The following TMTC4 variants were observed in gnomAD, a reference collection of about 807,000 sequenced individuals.
TMTC4 encodes the protein transmembrane O-mannosyltransferase targeting cadherins 4, also known as protein O-mannosyl-transferase TMTC4.
Under a neutral mutation model 86.0 loss-of-function variants are expected in TMTC4, and 65 were observed. That is an observed-to-expected ratio of 0.76 (90% confidence interval 0.62 to 0.93). The LOEUF is 0.93. Ranked by LOEUF, TMTC4 falls within the 40% of genes least tolerant of loss-of-function variation. The pLI is 0.00. For synonymous variants in TMTC4, 379 were observed against 382.5 expected, an observed-to-expected ratio of 0.99 and a Z score of 0.11; for missense variants, 866 against 948.1, an observed-to-expected ratio of 0.91 and a Z score of 1.14.
chr13:100,670,104 T>C (rs1042043468), intron 2 of TMTC4, among the ~76,000 whole-genome samples: 22 of 152,210 alleles, frequency 1.4e-4, no homozygotes, highest in African/African-American at 5.1e-4. Flanking sequence ...TAGTAGCTGG[T>C]TGATTGGTAC....
chr13:100,645,802 C>T (rs768809964), intron 6 of TMTC4, among the ~76,000 whole-genome samples: 1 of 152,168 alleles, frequency 6.6e-6, no homozygotes, highest in Non-Finnish European at 1.5e-5. Context: ...CTGTCCACCT[C>T]GGCACTCATC....
intron 1 of TMTC4, chr13:100,674,005 T>C (rs1887487844): frequency 1.9e-5 from 19 of 984,474 alleles, no homozygotes; most frequent in Non-Finnish European, 2.3e-5. Flanking sequence ...TCCCTTCTTT[T>C]GTGTGTGGTT....
At chr13:100,667,520 A>T (rs1404276166) in intron 3 of TMTC4, among the ~76,000 whole-genome samples, 1 of 152,214 alleles carries the variant, frequency 6.6e-6, no homozygotes, top group Non-Finnish European at 1.5e-5. Flanking sequence ...ATTATATCAC[A>T]AATAAAATAT....
At chr13:100,649,679 G>C (rs1047366222) in intron 6 of TMTC4, among the ~76,000 whole-genome samples, 6 of 151,914 alleles carry the variant, frequency 3.9e-5, no homozygotes, top group Non-Finnish European at 8.8e-5. Flanking sequence ...AATACTGCCA[G>C]AATTCAGGTC....
chr13:100,665,566 C>A (rs1054424280), intron 3 of TMTC4, among the ~76,000 whole-genome samples: 3 of 152,218 alleles, frequency 2.0e-5, no homozygotes, highest in Non-Finnish European at 4.4e-5. Context: ...CCCCACCTCG[C>A]GTGACCAGTT....
At chr13:100,652,611 G>T (rs1236327747) in intron 6 of TMTC4, among the ~76,000 whole-genome samples, 1 of 152,140 alleles carries the variant, frequency 6.6e-6, no homozygotes, top group African/African-American at 2.4e-5. Context: ...CTGTTTTGTT[G>T]TACTGAAGGA....
Position 100,634,800 on chromosome 13 carries a change from G to T in TMTC4, c.1506+5C>A, listed in dbSNP as rs776878141. 6.2e-7 allele frequency: 1 copy of T among 1,612,218 alleles called. No individual in the cohort carries two copies. The highest frequency in any genetic ancestry group is 1.7e-5 in the Admixed American group (1 of 59,468). ...CCCTTTAAAAGAAATCTGGCAGCTA[G>T]GTACCTTAGCATTGAGGGGACACAC... On this transcript the variant is annotated splice_donor_5th_base_variant and intron_variant, in intron 12 of 18. Transcript: ENST00000342624.
At position 100,614,394 on chromosome 13, in the gene TMTC4, C is replaced by A. The variant is rs1319190296; in HGVS notation, c.1873G>T (p.Ala625Ser). The A allele has an allele frequency of 1.7e-5, 28 of 1,613,226 alleles. No homozygotes were observed. Among genetic ancestry groups the A allele is most frequent in the Non-Finnish European group, 2.3e-5 (27 of 1,179,888 alleles). The change falls in exon 16 of 19, where the codon GCG becomes TCG. Residue 625 changes from alanine to serine, a missense_variant. Ala to Ser is a moderately conservative substitution (Grantham distance 99). Transcript: ENST00000342624. ...DLNRHVDALN[A>S]WRNATVLKPE... ...TTCAGCACGGTGGCATTTCTCCACGCATTCAAGGCATCCACGTGGCGATTG... is the reference window on the plus strand; with the variant it reads ...TTCAGCACGGTGGCATTTCTCCACGAATTCAAGGCATCCACGTGGCGATTG...
intron 16 of TMTC4, 94 bp from the exon 17 acceptor site, chr13:100,612,604 CATGACAATTATGA>C: frequency 8.4e-6 from 7 of 828,676 alleles, no homozygotes; most frequent in Non-Finnish European, 1.4e-5. Context: ...GTGCACAGCA[CATGACAATTATGA>C]ATAAACTACT....
At chr13:100,672,501 C>G (rs533680516) in intron 1 of TMTC4, among the ~76,000 whole-genome samples, 2 of 152,258 alleles carry the variant, frequency 1.3e-5, no homozygotes, top group Admixed American at 1.3e-4. Flanking sequence ...TCCCTTCCCC[C>G]CTTTTTTTGA....
In TMTC4 at chr13:100,664,238, G is replaced by A. The variant is rs1412552241; in HGVS notation, c.318C>T (p.Leu106=). The part of the protein sequence containing the change: ...SNTSHKSYRP[L]TVLTFRINYY... ...CAGCTTACCTGAAAGTCAGGACGGT[G>A]AGAGGCCGGTAGGACTTGTGGCTGG... Residue 106 remains leucine (L), a synonymous_variant, in exon 4 of 19, where the codon CTC becomes CTT. Coordinates refer to ENST00000342624, the MANE Select transcript of TMTC4 (RefSeq NM_032813.5). 1 of 1,611,234 alleles carries A rather than the reference G, an allele frequency of 6.2e-7. No homozygotes were observed. Among genetic ancestry groups the A allele is most frequent in the Non-Finnish European group, 8.5e-7 (1 of 1,178,736 alleles).
chr13:100,674,516 G>A (rs1887585244), intron 1 of TMTC4: 2 of 974,678 alleles, frequency 2.1e-6, no homozygotes, highest in Non-Finnish European at 1.2e-6. Context: ...CCTCCACGCC[G>A]CGCCCTTTGT....
chr13:100,625,412 TAG>T, intron 15 of TMTC4, 121 bp downstream of exon 15: 1 of 1,325,628 alleles, frequency 7.5e-7, no homozygotes, highest in Middle Eastern at 1.9e-4. Flanking sequence ...TCAAATGAGA[TAG>T]AAACATGTGA....
rs574617944 is a variant in TMTC4 at position 100,646,147 on chromosome 13, C to G, written c.641-3836G>C. 2.0e-5 allele frequency among the ~76,000 whole-genome samples: 3 copies of G among 152,266 alleles called. No homozygotes were observed. The South Asian group carries it at 6.2e-4, about 32-fold the overall frequency. On this transcript the variant is annotated intron_variant, in intron 6 of 18. Transcript: ENST00000342624. Reference sequence around the variant, plus strand: ...ATGGGAACCAGTAATCGGCCTTTAACAAGCTTTCCAGGTGGCTCTGATGCT... The same window carrying G: ...ATGGGAACCAGTAATCGGCCTTTAAGAAGCTTTCCAGGTGGCTCTGATGCT...
In TMTC4 at chr13:100,625,547, G is replaced by T. The variant is rs760404172; in HGVS notation, c.1824C>A (p.Asn608Lys). Residue 608 changes from asparagine to lysine, a missense_variant, in exon 15 of 19, where the codon AAC becomes AAA. Asn to Lys is a moderately conservative substitution (Grantham distance 94). Transcript: ENST00000342624. ...ACCCCGCGCTTACCAGACGCCCGAGGTTGTAGTAACAGTCTGGGTATTTCC... is the reference window on the plus strand; with the variant it reads ...ACCCCGCGCTTACCAGACGCCCGAGTTTGTAGTAACAGTCTGGGTATTTCC... ...HRRKYPDCYY[N>K]LGRLYADLNR... The T allele has an allele frequency of 3.7e-6, 6 of 1,614,060 alleles. No homozygotes were observed. Among genetic ancestry groups the T allele is most frequent in the Non-Finnish European group, 5.1e-6 (6 of 1,180,032 alleles).
chr13:100,605,168 C>A lies in TMTC4; in HGVS notation c.2135-26G>T. 6.2e-7 allele frequency: 1 copy of A among 1,604,016 alleles called. No individual in the cohort carries two copies. The highest frequency in any genetic ancestry group is 1.3e-5 in the African/African-American group (1 of 74,618). On this transcript the variant is annotated intron_variant, in intron 18 of 18. Transcript: ENST00000342624. The surrounding 1 kb of genome is among the most constrained non-coding windows in gnomAD (Gnocchi z 4.3). ...CTGAAATAGCAGGAGATAAATTTCA[C>A]TGGGAATGCTTCTGAGTAACGTGCC... is the stretch of plus-strand genomic sequence containing the variant.
intron 5 of TMTC4, among the ~76,000 whole-genome samples, chr13:100,658,933 G>A (rs1462518081): frequency 6.6e-6 from 1 of 152,180 alleles, no homozygotes; most frequent in Non-Finnish European, 1.5e-5. Context: ...CAAGGAGAGG[G>A]ACTGTATCCA....
intron 5 of TMTC4, 92 bp from the exon 6 acceptor site, chr13:100,656,560 T>TTTTTCA (rs1885145547): frequency 1.5e-6 from 1 of 674,322 alleles, no homozygotes. Context: ...TTTTTTTTTT[T>TTTTTCA]GCGACAGGGT....
intron 8 of TMTC4, 67 bp downstream of exon 8, chr13:100,637,863 G>A (rs1216567826): frequency 1.9e-6 from 3 of 1,539,846 alleles, no homozygotes; most frequent in Non-Finnish European, 2.7e-6. Flanking sequence ...ATTTGAGAAT[G>A]GCATTTTAAA....
Sources: allele counts gnomAD v4.1 joint callset (sites outside exome capture counted in the v4.1 genomes callset), GRCh38; gene constraint gnomAD v4.1.1; non-coding constraint Gnocchi (gnomAD v3.1); transcripts MANE v1.5; gene names NCBI Gene and HGNC (gene_info 2026-07-23, HGNC 2026-07-21).